The following FSTL5 variants were observed in gnomAD, a reference collection of about 807,000 sequenced individuals.
FSTL5 encodes the protein follistatin-related protein 5.
Under a neutral mutation model 89.1 loss-of-function variants are expected in FSTL5, and 62 were observed. That is an observed-to-expected ratio of 0.70 (90% CI 0.57 to 0.86). The LOEUF is 0.86. Among genes scored for constraint, FSTL5 ranks in the 40% least tolerant of loss-of-function variants. FSTL5 has a pLI of 0.00. For missense variants in FSTL5, 1,057 were observed against 1,001.6 expected (o/e 1.06, Z -0.75); for synonymous variants, 383 against 346.2 (o/e 1.11, Z -1.18).
At chr4:161,637,535 G>A (rs1223130979) in intron 7 of FSTL5, among the ~76,000 whole-genome samples, 2 of 151,286 alleles carry the variant, frequency 1.3e-5, no homozygotes, top group African/African-American at 4.9e-5. Context: ...TGAAGTCCTT[G>A]CCCATGCCTA....
intron 15 of FSTL5, among the ~76,000 whole-genome samples, chr4:161,438,471 A>G (rs769082671): frequency 1.7e-4 from 26 of 152,166 alleles, no homozygotes; most frequent in Non-Finnish European, 3.4e-4. Flanking sequence ...TCTAAAATCT[A>G]TTGCCTTTTA....
At chr4:162,134,111 T>C (rs1732424580) in intron 1 of FSTL5, among the ~76,000 whole-genome samples, 2 of 152,226 alleles carry the variant, frequency 1.3e-5, no homozygotes, top group South Asian at 4.1e-4. Flanking sequence ...AGCTCTAATT[T>C]CTAGTTGATA....
intron 10 of FSTL5, among the ~76,000 whole-genome samples, chr4:161,518,557 T>A (rs774454230): frequency 1.6e-4 from 24 of 152,188 alleles, no homozygotes; most frequent in Non-Finnish European, 3.2e-4. Flanking sequence ...CACTGCCAGT[T>A]TAAAGTTCAC....
At chr4:161,832,454 G>A (rs532907619) in intron 4 of FSTL5, among the ~76,000 whole-genome samples, 100 of 152,232 alleles carry the variant, frequency 6.6e-4, no homozygotes, top group Admixed American at 1.4e-3. Context: ...CAGAAGGAAT[G>A]GTACCAGTTC....
chr4:161,947,032 T>C (rs1734754600), intron 3 of FSTL5, among the ~76,000 whole-genome samples: 1 of 152,114 alleles, frequency 6.6e-6, no homozygotes, highest in African/African-American at 2.4e-5. Context: ...TTCAAAGTTT[T>C]AGTTCAAGTC....
intron 3 of FSTL5, among the ~76,000 whole-genome samples, chr4:161,968,220 T>C (rs888829062): frequency 6.6e-5 from 10 of 152,070 alleles, no homozygotes; most frequent in Non-Finnish European, 8.8e-5. Context: ...TTCTGAATGA[T>C]ATAATACATG....
At chr4:161,657,726 T>C (rs2126683419) in intron 6 of FSTL5, among the ~76,000 whole-genome samples, 1 of 152,252 alleles carries the variant, frequency 6.6e-6, no homozygotes, top group African/African-American at 2.4e-5. Context: ...TCATCACAAA[T>C]TGCAATGCCA....
At chr4:161,639,815 G>T (rs1055615858) in intron 7 of FSTL5, among the ~76,000 whole-genome samples, 1 of 152,154 alleles carries the variant, frequency 6.6e-6, no homozygotes, top group Non-Finnish European at 1.5e-5. Flanking sequence ...TTGGGGATTT[G>T]TACTCTGAAT....
At chr4:161,753,904 T>C (rs1279059320) in intron 6 of FSTL5, among the ~76,000 whole-genome samples, 1 of 151,698 alleles carries the variant, frequency 6.6e-6, no homozygotes, top group Non-Finnish European at 1.5e-5. Flanking sequence ...TAGCCGGGCG[T>C]GGTGGCTGGC....
chr4:161,706,736 C>T (rs906273867), intron 6 of FSTL5, among the ~76,000 whole-genome samples: 21 of 151,808 alleles, frequency 1.4e-4, no homozygotes, highest in Admixed American at 4.6e-4. Context: ...ATGTACACAG[C>T]GACCTTTTAG....
At position 161,656,530 on chromosome 4, in the gene FSTL5, T is replaced by A. The variant is rs551222575; in HGVS notation, c.728-36A>T. 4 of 1,392,256 alleles carry A rather than the reference T, an allele frequency of 2.9e-6. No individual in the cohort carries two copies. The Admixed American group carries it at 7.8e-5, about 27-fold the overall frequency. 86.2% of individuals were successfully genotyped at this position (1,392,256 alleles called of 1,614,324 possible). On this transcript the variant is annotated intron_variant, in intron 6 of 15. Transcript: ENST00000306100. Reference sequence around the variant, plus strand: ...GAAGTGTCAGTAATGTTGATGAGCATTTAGTTTTGTAAGGCTAATAGTATA... The same window carrying A: ...GAAGTGTCAGTAATGTTGATGAGCAATTAGTTTTGTAAGGCTAATAGTATA...
chr4:162,070,278 C>A (rs1729560024), intron 2 of FSTL5, among the ~76,000 whole-genome samples: 1 of 151,798 alleles, frequency 6.6e-6, no homozygotes, highest in Non-Finnish European at 1.5e-5. Context: ...TGTTATTAGA[C>A]AAACCCTTTG....
intron 6 of FSTL5, among the ~76,000 whole-genome samples, chr4:161,729,196 C>T (rs1486140146): frequency 1.3e-5 from 2 of 152,148 alleles, no homozygotes; most frequent in African/African-American, 4.8e-5. Flanking sequence ...TTCAAGGTAT[C>T]TTTTTTAGAG....
At chr4:161,712,972 G>T (rs1044154826) in intron 6 of FSTL5, among the ~76,000 whole-genome samples, 6 of 152,134 alleles carry the variant, frequency 3.9e-5, no homozygotes, top group African/African-American at 1.4e-4. Flanking sequence ...ACCGCCTGCA[G>T]AACTGTGAGC....
At chr4:161,794,944 T>C (rs1729589359) in intron 4 of FSTL5, among the ~76,000 whole-genome samples, 1 of 152,096 alleles carries the variant, frequency 6.6e-6, no homozygotes, top group South Asian at 2.1e-4. Flanking sequence ...ACTATACCTA[T>C]GTCTGTATCT....
chr4:161,717,977 T>C (rs961381947), intron 6 of FSTL5, among the ~76,000 whole-genome samples: 4 of 152,308 alleles, frequency 2.6e-5, no homozygotes, highest in African/African-American at 9.6e-5. Flanking sequence ...ACTTATTGTA[T>C]GTTATGGAGT....
intron 11 of FSTL5, among the ~76,000 whole-genome samples, chr4:161,505,655 G>A (rs1402835798): frequency 1.3e-5 from 2 of 152,148 alleles, no homozygotes. Context: ...AAATGGCATT[G>A]GTTGAAATCA....
chr4:161,428,684 A>G (rs1223405804), intron 15 of FSTL5, among the ~76,000 whole-genome samples: 2 of 152,046 alleles, frequency 1.3e-5, no homozygotes, highest in African/African-American at 4.8e-5. Context: ...TCACCTGCTG[A>G]CTAAAGAGCC....
intron 2 of FSTL5, among the ~76,000 whole-genome samples, chr4:162,076,206 A>C (rs1729835501): frequency 1.3e-5 from 2 of 151,906 alleles, no homozygotes; most frequent in South Asian, 2.1e-4. Context: ...GTTCAGAACC[A>C]TCATATCGCT....
Sources: gnomAD v4.1 joint callset for allele counts (sites outside exome capture counted in the v4.1 genomes callset) on GRCh38, gnomAD v4.1.1 for gene constraint, MANE v1.5 for transcripts, NCBI Gene and HGNC (gene_info 2026-07-23, HGNC 2026-07-21) for gene names.